RIMS2: variants seen among roughly 807,000 people sequenced by gnomAD.
RIMS2 encodes the protein regulating synaptic membrane exocytosis 2.
RIMS2 carries 59 observed loss-of-function variants against 174.4 expected under a neutral mutation model. The observed-to-expected ratio is 0.34, with a 90% CI of 0.27 to 0.42. RIMS2 has a LOEUF of 0.42. Ranked by LOEUF, RIMS2 falls within the 10% of genes least tolerant of loss-of-function variation. The pLI, the probability that RIMS2 is intolerant of heterozygous loss-of-function variation, is 1.00. For synonymous variants in RIMS2, 606 were observed against 572.5 expected, an observed-to-expected ratio of 1.06 and a Z score of -0.84; for missense variants, 1,620 against 1,666.3, an observed-to-expected ratio of 0.97 and a Z score of 0.48.
chr8:103,980,440 A>G (rs569975131), intron 16 of RIMS2, among the ~76,000 whole-genome samples: 4 of 152,336 alleles, frequency 2.6e-5, no homozygotes, highest in Non-Finnish European at 5.9e-5. Flanking sequence ...CCCAGGAACT[A>G]TGCTGTGGGC....
intron 1 of RIMS2, among the ~76,000 whole-genome samples, chr8:103,608,213 TAACA>T (rs1434808676): frequency 2.8e-5 from 4 of 143,636 alleles, no homozygotes; most frequent in Admixed American, 6.7e-5. Flanking sequence ...GTTTTCCTTC[TAACA>T]GACAGGACCC....
At chr8:104,140,457 A>G (rs1251074994) in intron 19 of RIMS2, among the ~76,000 whole-genome samples, 3 of 152,126 alleles carry the variant, frequency 2.0e-5, no homozygotes, top group Non-Finnish European at 4.4e-5. Context: ...CCCTTAGATA[A>G]TAACTATGTC....
chr8:103,547,559 A>G (rs746894948), intron 1 of RIMS2, among the ~76,000 whole-genome samples: 3 of 152,208 alleles, frequency 2.0e-5, no homozygotes, highest in Non-Finnish European at 4.4e-5. Context: ...AAAACATTGG[A>G]AAGATTTTAA....
chr8:104,227,012 G>A (rs1461947090), intron 19 of RIMS2, among the ~76,000 whole-genome samples: 2 of 151,990 alleles, frequency 1.3e-5, no homozygotes, highest in Non-Finnish European at 2.9e-5. Context: ...TTAATTTCAT[G>A]ATAATTTTTC....
chr8:103,709,173 A>G (rs2097270501), intron 2 of RIMS2, among the ~76,000 whole-genome samples: 1 of 152,076 alleles, frequency 6.6e-6, no homozygotes, highest in African/African-American at 2.4e-5. Flanking sequence ...TGTAGTTTTT[A>G]TGACTAGAAC....
At chr8:104,214,278 A>T (rs1455547470) in intron 19 of RIMS2, among the ~76,000 whole-genome samples, 1 of 152,188 alleles carries the variant, frequency 6.6e-6, no homozygotes, top group Non-Finnish European at 1.5e-5. Context: ...CTTGGGTAAT[A>T]GTCCTCTGTC....
intron 3 of RIMS2, among the ~76,000 whole-genome samples, chr8:103,864,100 G>A (rs936457218): frequency 6.6e-5 from 10 of 151,470 alleles, no homozygotes; most frequent in African/African-American, 1.7e-4. Flanking sequence ...GTAAGGATGG[G>A]GTTTCACCAT....
At chr8:103,921,502 C>A (rs114220385) in intron 9 of RIMS2, among the ~76,000 whole-genome samples, 170 bp from the exon 13 acceptor site, 1,634 of 152,064 alleles carry the variant, frequency 0.011, 37 homozygotes, top group African/African-American at 0.037. Flanking sequence ...CCTTTGGCTT[C>A]CAAAAAAACC....
chr8:104,189,844 C>A (rs992142051), intron 19 of RIMS2, among the ~76,000 whole-genome samples: 2 of 151,826 alleles, frequency 1.3e-5, no homozygotes, highest in African/African-American at 4.8e-5. Flanking sequence ...TACTTTGCTT[C>A]AGAGATCAAA....
At chr8:104,252,037 G>A (rs185724163), downstream of RIMS2, 58 of 558,794 alleles carry the variant, frequency 1.0e-4, no homozygotes, top group African/African-American at 9.2e-4. Flanking sequence ...AGAACTATCA[G>A]ATTTGGAATT....
At chr8:103,589,774 T>C (rs2094156008) in intron 1 of RIMS2, among the ~76,000 whole-genome samples, 1 of 151,552 alleles carries the variant, frequency 6.6e-6, no homozygotes. Context: ...ATTTACTCAT[T>C]TGCAATAACA....
intron 19 of RIMS2, among the ~76,000 whole-genome samples, chr8:104,024,403 C>G (rs1045116728): frequency 6.6e-6 from 1 of 152,186 alleles, no homozygotes; most frequent in African/African-American, 2.4e-5. Flanking sequence ...TGGAGGATAA[C>G]TACCTTTCTT....
At chr8:104,041,426 T>TTTTTTAC (rs2096607044) in intron 19 of RIMS2, 68 bp downstream of exon 22, 1 of 645,346 alleles carries the variant, frequency 1.5e-6, no homozygotes, top group East Asian at 2.7e-5. Flanking sequence ...GTTTAATCAT[T>TTTTTTAC]TTTTTACTCA....
chr8:103,509,420 A>G (rs866958864), intron 1 of RIMS2, among the ~76,000 whole-genome samples: 1 of 152,040 alleles, frequency 6.6e-6, no homozygotes, highest in African/African-American at 2.4e-5. Context: ...TCTTTGTTTT[A>G]TATGTTAGGC....
At chr8:104,053,296 G>A (rs2096818294) in intron 19 of RIMS2, among the ~76,000 whole-genome samples, 1 of 152,152 alleles carries the variant, frequency 6.6e-6, no homozygotes, top group African/African-American at 2.4e-5. Flanking sequence ...TATAACTCAA[G>A]TATACAAGGC....
rs193149548 is a variant in RIMS2 at position 104,001,142 on chromosome 8, T to C, written c.3044+11721T>C. Among the ~76,000 whole-genome samples, 407 of 151,858 alleles carry C rather than the reference T, an allele frequency of 2.7e-3. 3 individuals carry two copies. Among genetic ancestry groups the C allele is most frequent in the Middle Eastern group, 0.014 (4 of 294 alleles). ...TCTTACTCAAGAAATCTTTGCTAGA[T>C]AGAAGGAATAAAATCTAGTGTTCAA... On this transcript the variant is annotated intron_variant, in intron 17 of 23. Transcript: ENST00000504942.
intron 18 of RIMS2, 39 bp from the exon 21 acceptor site, chr8:104,014,467 T>G (rs2095848462): frequency 2.7e-6 from 3 of 1,126,662 alleles, no homozygotes; most frequent in Non-Finnish European, 4.0e-6. Context: ...AATATGTAAC[T>G]CATTATACTG....
intron 1 of RIMS2, among the ~76,000 whole-genome samples, chr8:103,584,000 T>C (rs77988083): frequency 0.031 from 4,719 of 152,264 alleles, 217 homozygotes; most frequent in African/African-American, 0.1. Flanking sequence ...CCCTTTGGCA[T>C]ATTTAAACAG....
At chr8:103,870,788 C>T (rs990344946) in intron 3 of RIMS2, among the ~76,000 whole-genome samples, 8 of 152,078 alleles carry the variant, frequency 5.3e-5, no homozygotes, top group Admixed American at 3.3e-4. Context: ...TAATTTCCTA[C>T]TTGGATTATT....
Sources: gnomAD v4.1 joint callset for allele counts (sites outside exome capture counted in the v4.1 genomes callset) on GRCh38, gnomAD v4.1.1 for gene constraint, MANE v1.5 for transcripts, NCBI Gene and HGNC (gene_info 2026-07-23, HGNC 2026-07-21) for gene names.